Variants in ENO4 observed in about 807,000 individuals in gnomAD.
ENO4 encodes 2-phospho-D-glycerate hydro-lyase.
A neutral mutation model predicts 63.2 loss-of-function variants in ENO4; 53 were observed. The observed-to-expected ratio is 0.84, with a 90% confidence interval of 0.67 to 1.05. The LOEUF is 1.05. Ranked by LOEUF, ENO4 falls within the 50% of genes least tolerant of loss-of-function variation. The pLI is 0.00. For synonymous variants in ENO4, 266 were observed against 283.8 expected (o/e 0.94, Z 0.63); for missense variants, 719 against 772.0 (o/e 0.93, Z 0.81).
chr10:116,875,586 C>CACACACACACAT (rs61521681), intron 10 of ENO4, among the ~76,000 whole-genome samples: 14 of 149,630 alleles, frequency 9.4e-5, no homozygotes, highest in Non-Finnish European at 8.9e-5. Flanking sequence ...CACACACACA[C>CACACACACACAT]ATGCACATGT....
intron 10 of ENO4, among the ~76,000 whole-genome samples, chr10:116,896,801 C>CT (rs1230730641): frequency 0.024 from 2,867 of 121,670 alleles, 105 homozygotes; most frequent in African/African-American, 0.066. Flanking sequence ...TGATCAGGTA[C>CT]TTTTTTTTTT....
intron 8 of ENO4, among the ~76,000 whole-genome samples, chr10:116,869,340 A>C (rs890387253): frequency 1.3e-5 from 2 of 152,210 alleles, no homozygotes; most frequent in Non-Finnish European, 2.9e-5. Flanking sequence ...AGAAGAGCCA[A>C]TAAGAACTTT....
intron 3 of ENO4, among the ~76,000 whole-genome samples, chr10:116,858,476 T>C (rs1031102639): frequency 2.0e-5 from 3 of 152,330 alleles, no homozygotes; most frequent in East Asian, 1.9e-4. Context: ...TTTTTGCCTA[T>C]AGAAGTTTTT....
At chr10:116,874,547 T>C (rs1846777949) in intron 10 of ENO4, among the ~76,000 whole-genome samples, 2 of 152,220 alleles carry the variant, frequency 1.3e-5, no homozygotes, top group Non-Finnish European at 2.9e-5. Flanking sequence ...GCCCCTGCTG[T>C]GCTAGCTGGA....
At chr10:116,898,054 G>A (rs1311996417) in intron 10 of ENO4, among the ~76,000 whole-genome samples, 6 of 152,178 alleles carry the variant, frequency 3.9e-5, no homozygotes, top group Admixed American at 1.3e-4. Context: ...TAGGCTGAGC[G>A]TGGTGGCTCA....
At chr10:116,884,046 C>G (rs754921450), downstream of ENO4, 1 of 287,240 alleles carries the variant, frequency 3.5e-6, no homozygotes, top group East Asian at 9.5e-5. Flanking sequence ...TCCTCTATAG[C>G]GCACAAGACT....
At chr10:116,900,619 T>A (rs1459736247) in intron 10 of ENO4, 1 of 1,526,450 alleles carries the variant, frequency 6.6e-7, no homozygotes, top group African/African-American at 1.4e-5. Context: ...CTCAGCCAAA[T>A]TGCTTTTGTG....
At chr10:116,905,958 C>T (rs1343383739) in intron 10 of ENO4, among the ~76,000 whole-genome samples, 1 of 152,204 alleles carries the variant, frequency 6.6e-6, no homozygotes, top group Non-Finnish European at 1.5e-5. Flanking sequence ...GCTCCAGACT[C>T]GCTCAGATGG....
At chr10:116,894,019 C>T (rs1179097788) in intron 10 of ENO4, among the ~76,000 whole-genome samples, 1 of 151,864 alleles carries the variant, frequency 6.6e-6, no homozygotes, top group Non-Finnish European at 1.5e-5. Flanking sequence ...ATGAAGAGAC[C>T]AGTTAGAGGT....
chr10:116,873,844 T>C, intron 9 of ENO4: 5 of 984,398 alleles, frequency 5.1e-6, no homozygotes, highest in Non-Finnish European at 6.0e-6. Flanking sequence ...GCATCTGAAG[T>C]CTGTGGGAAG....
At position 116,881,735 on chromosome 10, in the gene ENO4, G is replaced by C; in HGVS notation, c.*66G>C. 1.6e-6 allele frequency: 2 copies of C among 1,235,128 alleles called. No individual in the cohort carries two copies. Among genetic ancestry groups the C allele is most frequent in the East Asian group, 6.1e-5 (2 of 32,744 alleles). The allele number at this position is 1,235,128 out of a possible 1,614,324, so 76.5% of individuals were successfully genotyped here. The stretch of plus-strand genomic sequence containing the variant: ...AGTAGACCGGGAGGTCTGAAGTACG[G>C]CGCCGTGTCTCCACATGGAGTTTCC... On this transcript the variant is annotated 3_prime_UTR_variant, in exon 14 of 14. Transcript: ENST00000341276.
intron 11 of ENO4, among the ~76,000 whole-genome samples, chr10:116,876,997 ACCCC>A (rs1846855328): frequency 1.3e-5 from 2 of 152,046 alleles, no homozygotes; most frequent in African/African-American, 2.4e-5. Context: ...CCATAGAGGT[ACCCC>A]AACTCTTACT....
At chr10:116,850,523 G>A (rs1309828562) in intron 1 of ENO4, among the ~76,000 whole-genome samples, 7 of 152,068 alleles carry the variant, frequency 4.6e-5, no homozygotes, top group Non-Finnish European at 8.8e-5. Context: ...AAGGAAGGCA[G>A]TGTGGCTGGG....
chr10:116,868,899 CG>C (rs1425998328), intron 8 of ENO4, among the ~76,000 whole-genome samples, 193 bp downstream of exon 8: 1 of 152,132 alleles, frequency 6.6e-6, no homozygotes, highest in Non-Finnish European at 1.5e-5. Context: ...ACAGGCTGCC[CG>C]ACCATCGCTG....
At chr10:116,868,770 T>G (rs1846611740) in intron 8 of ENO4, 64 bp downstream of exon 8, 1 of 1,392,674 alleles carries the variant, frequency 7.2e-7, no homozygotes, top group Non-Finnish European at 1.0e-6. Flanking sequence ...CTGCCCCTTT[T>G]TATCTTCCAT....
At chr10:116,911,740 C>T in exon 11 of ENO4, 2 of 1,575,016 alleles carry the variant, frequency 1.3e-6, no homozygotes, top group South Asian at 1.1e-5. Context: ...TTAAAATACT[C>T]TCCTTTCATT....
chr10:116,880,640 C>G (rs910129778), intron 13 of ENO4, among the ~76,000 whole-genome samples: 1 of 152,096 alleles, frequency 6.6e-6, no homozygotes, highest in Non-Finnish European at 1.5e-5. Flanking sequence ...ACGTATGTAG[C>G]GGTCTTGAAA....
intron 10 of ENO4, among the ~76,000 whole-genome samples, chr10:116,875,047 G>A (rs980031154): frequency 1.3e-5 from 2 of 152,050 alleles, no homozygotes; most frequent in Admixed American, 1.3e-4. Flanking sequence ...ATTTGACAAA[G>A]GCTTATGTGA....
intron 10 of ENO4, among the ~76,000 whole-genome samples, chr10:116,893,079 C>T (rs2133306618): frequency 6.6e-6 from 1 of 152,286 alleles, no homozygotes; most frequent in Middle Eastern, 3.4e-3. Flanking sequence ...TACTCAACAG[C>T]AGTTTAACAG....
Sources: allele counts gnomAD v4.1 joint callset (sites outside exome capture counted in the v4.1 genomes callset), GRCh38; gene constraint gnomAD v4.1.1; transcripts MANE v1.5; gene names NCBI Gene and HGNC (gene_info 2026-07-23, HGNC 2026-07-21).